Variants in SNAP91 observed in about 807,000 individuals in gnomAD.
SNAP91 encodes clathrin coat assembly protein AP180.
Under a neutral mutation model 100.3 loss-of-function variants are expected in SNAP91, and 27 were observed. The ratio of observed to expected loss-of-function variants is 0.27; its 90% CI spans 0.20 to 0.37. The LOEUF is 0.37. SNAP91 is among the 10% of genes least tolerant of loss of function. The pLI, the probability that SNAP91 is intolerant of heterozygous loss-of-function variation, is 1.00. For missense variants in SNAP91, 986 were observed against 1,123.7 expected (o/e 0.88, Z 1.75); for synonymous variants, 404 against 398.6 (o/e 1.01, Z -0.16).
chr6:83,617,119 G>A, intron 9 of SNAP91, 80 bp from the exon 10 acceptor site: 1 of 908,140 alleles, frequency 1.1e-6, no homozygotes, highest in Non-Finnish European at 1.6e-6. Context: ...GTAACTGTAT[G>A]GTGGAAGTCT....
At chr6:83,644,746 G>A (rs1230995735) in intron 7 of SNAP91, among the ~76,000 whole-genome samples, 1 of 152,108 alleles carries the variant, frequency 6.6e-6, no homozygotes, top group South Asian at 2.1e-4. Context: ...TTTCATTATA[G>A]CAATAAAGCA....
At chr6:83,681,083 C>T (rs1435737314) in intron 2 of SNAP91, among the ~76,000 whole-genome samples, 2 of 152,042 alleles carry the variant, frequency 1.3e-5, no homozygotes, top group Non-Finnish European at 2.9e-5. Context: ...GCATAGGAGT[C>T]CCTAGCTTTT....
At chr6:83,650,970 T>C (rs977568159) in intron 7 of SNAP91, among the ~76,000 whole-genome samples, 1 of 152,352 alleles carries the variant, frequency 6.6e-6, no homozygotes, top group East Asian at 1.9e-4. Context: ...TGTCTATTTC[T>C]TCTTGTATGA....
At chr6:83,647,352 G>A in intron 7 of SNAP91, among the ~76,000 whole-genome samples, 1 of 152,128 alleles carries the variant, frequency 6.6e-6, no homozygotes, top group South Asian at 2.1e-4. Flanking sequence ...TCTTCATCAA[G>A]TTGATGAAGT....
In SNAP91 at chr6:83,707,976, G is replaced by A. The variant is rs752089742; in HGVS notation, c.-30-19C>T. The A allele has an allele frequency of 6.5e-7, 1 of 1,529,186 alleles. No homozygotes were observed. The highest frequency in any genetic ancestry group is 8.7e-7 in the Non-Finnish European group (1 of 1,149,582). The allele number at this position is 1,529,186 out of a possible 1,614,324, so 94.7% of individuals were successfully genotyped here. The stretch of plus-strand genomic sequence containing the variant: ...TCCTCTTCTGCAGGAAACAAGGGGA[G>A]ACGGTCCGGCTTTAATCCGCAGACC... On this transcript the variant is annotated intron_variant, in intron 1 of 29. Transcript: ENST00000369694.
chr6:83,604,451 A>G (rs2095484860), intron 14 of SNAP91, among the ~76,000 whole-genome samples: 1 of 152,164 alleles, frequency 6.6e-6, no homozygotes, highest in African/African-American at 2.4e-5. Context: ...GTTCTTATTT[A>G]TAGTTAGCAA....
intron 3 of SNAP91, among the ~76,000 whole-genome samples, chr6:83,662,794 T>G (rs1765943582): frequency 6.6e-6 from 1 of 152,170 alleles, no homozygotes; most frequent in African/African-American, 2.4e-5. Context: ...TTGTTCCTTC[T>G]CCTAACATTT....
chr6:83,649,032 C>A lies in SNAP91; in HGVS notation c.658+7722G>T, dbSNP rs145195902. Among the ~76,000 whole-genome samples, 1,424 of 152,258 alleles carry A rather than the reference C, an allele frequency of 9.4e-3. 23 individuals are homozygous for A. Among genetic ancestry groups the A allele is most frequent in the African/African-American group, 0.032 (1,330 of 41,564 alleles). On this transcript the variant is annotated intron_variant, in intron 7 of 29. Coordinates refer to ENST00000369694, the MANE Select transcript of SNAP91 (RefSeq NM_001242792.2). ...CCTAGTCCTTGTTTTCTTCTAGAAGCTTTTTAGTTTTAACTTTTATATTTA... is the reference window on the plus strand; with the variant it reads ...CCTAGTCCTTGTTTTCTTCTAGAAGATTTTTAGTTTTAACTTTTATATTTA...
chr6:83,556,314 G>C, intron 28 of SNAP91, 69 bp from the exon 29 acceptor site: 1 of 242,380 alleles, frequency 4.1e-6, no homozygotes. Context: ...ATGGGGGGAA[G>C]AGGGGGCAGG....
chr6:83,612,721 C>CA (rs1171255029), intron 11 of SNAP91, among the ~76,000 whole-genome samples: 2 of 151,254 alleles, frequency 1.3e-5, no homozygotes, highest in Non-Finnish European at 3.0e-5. Flanking sequence ...ACTAAAAATA[C>CA]AAAAAAATAA....
chr6:83,678,969 G>T, intron 2 of SNAP91: 2 of 905,352 alleles, frequency 2.2e-6, no homozygotes, highest in Non-Finnish European at 2.8e-6. Context: ...AATACAGCTG[G>T]CCTTCTATAT....
At chr6:83,640,674 G>A (rs1319118786) in intron 8 of SNAP91, among the ~76,000 whole-genome samples, 1 of 152,114 alleles carries the variant, frequency 6.6e-6, no homozygotes, top group Admixed American at 6.5e-5. Context: ...CATTGCCAAA[G>A]TAAGAAAGGT....
intron 2 of SNAP91, among the ~76,000 whole-genome samples, chr6:83,685,878 C>T (rs2099053474): frequency 6.6e-6 from 1 of 152,214 alleles, no homozygotes; most frequent in Non-Finnish European, 1.5e-5. Flanking sequence ...CGAATGCATT[C>T]CCATATCTGT....
chr6:83,566,472 C>T (rs1463891956), intron 26 of SNAP91, among the ~76,000 whole-genome samples: 1 of 152,024 alleles, frequency 6.6e-6, no homozygotes, highest in African/African-American at 2.4e-5. Context: ...TTTACCAGAC[C>T]TGAATTGCAT....
rs145005462 is a variant in SNAP91 at position 83,645,722 on chromosome 6, G to A, written c.659-4520C>T. Among the ~76,000 whole-genome samples, 597 of 152,082 alleles carry A rather than the reference G, an allele frequency of 3.9e-3. 2 individuals carry two copies. The highest frequency in any genetic ancestry group is 0.013 in the African/African-American group (536 of 41,490). Reference sequence around the variant, plus strand: ...AAAAATTAGCCAGGAGTGGTGGTGCGTGTCTGTAATCCCAGCTACTCGGGA... The same window carrying A: ...AAAAATTAGCCAGGAGTGGTGGTGCATGTCTGTAATCCCAGCTACTCGGGA... On this transcript the variant is annotated intron_variant, in intron 7 of 29. Coordinates refer to ENST00000369694, the MANE Select transcript of SNAP91 (RefSeq NM_001242792.2).
In SNAP91 at chr6:83,610,750, T is replaced by C. The variant is rs1348689131; in HGVS notation, c.885-73A>G. The C allele has an allele frequency of 1.1e-4, 26 of 245,456 alleles. No homozygotes were observed. The East Asian group carries it at 1.8e-3, about 17-fold the overall frequency. 15.2% of individuals were successfully genotyped at this position (245,456 alleles called of 1,614,324 possible). The stretch of plus-strand genomic sequence containing the variant: ...ATATATATATATATATATATATAAA[T>C]ATATATGTGAATATATTTGTAGAAG... On this transcript the variant is annotated intron_variant, in intron 11 of 29. Coordinates refer to ENST00000369694, the MANE Select transcript of SNAP91 (RefSeq NM_001242792.2).
chr6:83,571,020 C>G (rs1454051706), intron 26 of SNAP91, among the ~76,000 whole-genome samples: 1 of 152,112 alleles, frequency 6.6e-6, no homozygotes, highest in Non-Finnish European at 1.5e-5. Flanking sequence ...CACAGACACT[C>G]AACACCAGCC....
intron 26 of SNAP91, among the ~76,000 whole-genome samples, chr6:83,573,337 G>A (rs1811884490): frequency 6.6e-6 from 1 of 152,142 alleles, no homozygotes; most frequent in African/African-American, 2.4e-5. Flanking sequence ...CCATGCTCAT[G>A]GATAGGAATA....
intron 8 of SNAP91, among the ~76,000 whole-genome samples, chr6:83,638,795 T>G (rs1441777357): frequency 1.3e-5 from 2 of 152,216 alleles, no homozygotes; most frequent in African/African-American, 4.8e-5. Flanking sequence ...GATTAAAGTG[T>G]GTTACAGAAA....
Sources: gnomAD v4.1 joint callset for allele counts (sites outside exome capture counted in the v4.1 genomes callset) on GRCh38, gnomAD v4.1.1 for gene constraint, MANE v1.5 for transcripts, NCBI Gene and HGNC (gene_info 2026-07-23, HGNC 2026-07-21) for gene names.